The following KLHL1 variants were observed in gnomAD, a reference collection of about 807,000 sequenced individuals.
The protein encoded by KLHL1 is kelch-like protein 1.
Under a neutral mutation model 77.7 loss-of-function variants are expected in KLHL1, and 47 were observed. The ratio of observed to expected loss-of-function variants is 0.60; its 90% confidence interval spans 0.48 to 0.77. The LOEUF (loss-of-function observed/expected upper bound fraction) is 0.77. KLHL1 is among the 30% of genes least tolerant of loss of function. The pLI is 0.00. For missense variants in KLHL1, 925 were observed against 910.8 expected, an observed-to-expected ratio of 1.02 and a Z score of -0.20; for synonymous variants, 360 against 325.2, an observed-to-expected ratio of 1.11 and a Z score of -1.15.
At chr13:69,900,591 G>A (rs980620151) in intron 4 of KLHL1, among the ~76,000 whole-genome samples, 1 of 152,150 alleles carries the variant, frequency 6.6e-6, no homozygotes, top group Non-Finnish European at 1.5e-5. Context: ...ACTTTTGCTG[G>A]TAGACACAGT....
chr13:69,949,850 C>T (rs914331961), intron 3 of KLHL1, among the ~76,000 whole-genome samples: 1 of 151,646 alleles, frequency 6.6e-6, no homozygotes, highest in Non-Finnish European at 1.5e-5. Context: ...TTAAATTTTA[C>T]TGCAATTTAG....
intron 4 of KLHL1, among the ~76,000 whole-genome samples, chr13:69,927,230 T>A (rs1386094399): frequency 6.6e-6 from 1 of 152,106 alleles, no homozygotes; most frequent in Non-Finnish European, 1.5e-5. Context: ...ATAATAAAGT[T>A]ACACCTTTAC....
chr13:69,984,291 G>T (rs141388004), intron 1 of KLHL1, among the ~76,000 whole-genome samples: 2 of 152,024 alleles, frequency 1.3e-5, no homozygotes, highest in African/African-American at 2.4e-5. Context: ...CTTTAAAATC[G>T]AGCTGCAGAC....
chr13:69,815,035 A>AAT (rs1878060597), intron 6 of KLHL1, among the ~76,000 whole-genome samples: 1 of 151,644 alleles, frequency 6.6e-6, no homozygotes, highest in African/African-American at 2.4e-5. Flanking sequence ...AATAAAATAA[A>AAT]ATAAAATAGT....
rs1491291263 is a variant in KLHL1 at position 69,837,603 on chromosome 13, CAT to C, written c.1414+1371_1414+1372del. Among the ~76,000 whole-genome samples the C allele has an allele frequency of 1.6e-4, 23 of 142,140 alleles. 1 individual carries two copies. The highest frequency in any genetic ancestry group is 6.0e-4 in the African/African-American group (22 of 36,916). The allele number at this position is 142,140 out of a possible 152,430, so 93.2% of individuals were successfully genotyped here. A position where few individuals can be genotyped will look rare whatever the true frequency, so the allele number is the denominator to read the frequency against. On this transcript the variant is annotated intron_variant, in intron 6 of 10. Transcript: ENST00000377844. ...TAGTTATACTATATATATACACATA[CAT>C]CTCTCTCTCTATATATATGTGTGTG...
At chr13:69,837,515 C>T (rs149742604) in intron 6 of KLHL1, among the ~76,000 whole-genome samples, 117 of 149,026 alleles carry the variant, frequency 7.9e-4, no homozygotes, top group African/African-American at 2.6e-3. Flanking sequence ...ATATAATGTC[C>T]GAGAGAGGAA....
chr13:70,097,563 C>T (rs1887822588), intron 1 of KLHL1, among the ~76,000 whole-genome samples: 1 of 152,100 alleles, frequency 6.6e-6, no homozygotes, highest in South Asian at 2.1e-4. Context: ...TCTCAGCCTG[C>T]AATGTAATCT....
At chr13:69,964,859 T>A (rs1884167562) in intron 2 of KLHL1, among the ~76,000 whole-genome samples, 1 of 152,154 alleles carries the variant, frequency 6.6e-6, no homozygotes, top group African/African-American at 2.4e-5. Context: ...CATCTCTTGG[T>A]CAATTTCCAT....
chr13:70,013,881 G>T (rs986274694), intron 1 of KLHL1, among the ~76,000 whole-genome samples: 2 of 152,028 alleles, frequency 1.3e-5, no homozygotes, highest in African/African-American at 2.4e-5. Context: ...CTCGCTACTT[G>T]TTATAGACTC....
chr13:69,785,794 A>C (rs967117259), intron 7 of KLHL1, among the ~76,000 whole-genome samples: 7 of 152,202 alleles, frequency 4.6e-5, no homozygotes, highest in Non-Finnish European at 1.0e-4. Flanking sequence ...AGAAGAATCA[A>C]ATAGATGCAA....
intron 4 of KLHL1, among the ~76,000 whole-genome samples, chr13:69,939,360 T>TATACATAC (rs1883287955): frequency 8.3e-5 from 7 of 84,246 alleles, no homozygotes; most frequent in African/African-American, 2.8e-4. Flanking sequence ...TATATATATA[T>TATACATAC]ATATATATAT....
chr13:69,953,284 G>C (rs1016507691), intron 3 of KLHL1, among the ~76,000 whole-genome samples: 1 of 148,630 alleles, frequency 6.7e-6, no homozygotes, highest in African/African-American at 2.5e-5. Context: ...CTACTCATTT[G>C]ATGTACAACA....
chr13:70,103,123 C>T (rs148647559), intron 1 of KLHL1, among the ~76,000 whole-genome samples: 4 of 152,158 alleles, frequency 2.6e-5, no homozygotes, highest in East Asian at 3.9e-4. Context: ...AGGTACAGCA[C>T]GTTTATGCAT....
At chr13:69,725,465 T>TG (rs1439749833) in intron 8 of KLHL1, among the ~76,000 whole-genome samples, 1 of 152,120 alleles carries the variant, frequency 6.6e-6, no homozygotes, top group Non-Finnish European at 1.5e-5. Flanking sequence ...ACCAGACACA[T>TG]GGTTATACCT....
intron 1 of KLHL1, among the ~76,000 whole-genome samples, chr13:70,055,807 A>G (rs1210485638): frequency 6.6e-6 from 1 of 151,430 alleles, no homozygotes; most frequent in Non-Finnish European, 1.5e-5. Flanking sequence ...AATAAAAAAT[A>G]AGTTACCGCA....
intron 1 of KLHL1, among the ~76,000 whole-genome samples, chr13:70,025,346 G>A (rs4884873): frequency 0.59 from 88,816 of 151,726 alleles, 28,190 homozygotes; most frequent in East Asian, 0.81. Flanking sequence ...ACTTTGAGGT[G>A]GAATTATTTT....
At chr13:69,786,828 T>A (rs1429222356) in intron 7 of KLHL1, among the ~76,000 whole-genome samples, 2 of 152,168 alleles carry the variant, frequency 1.3e-5, no homozygotes, top group African/African-American at 4.8e-5. Flanking sequence ...ACAAAATCAA[T>A]GTACAAAAAT....
intron 5 of KLHL1, among the ~76,000 whole-genome samples, chr13:69,846,818 C>T (rs1991075): frequency 0.93 from 141,344 of 151,236 alleles, 66,275 homozygotes; most frequent in East Asian, 0.99. Context: ...TGCAGCTTTC[C>T]AAGAGTATTA....
chr13:69,787,584 C>G (rs1046427423), intron 7 of KLHL1, among the ~76,000 whole-genome samples: 2 of 152,158 alleles, frequency 1.3e-5, no homozygotes, highest in Non-Finnish European at 2.9e-5. Flanking sequence ...CAGTACCATT[C>G]AGGACATAGG....
Sources: gnomAD v4.1 joint callset for allele counts (sites outside exome capture counted in the v4.1 genomes callset) on GRCh38, gnomAD v4.1.1 for gene constraint, MANE v1.5 for transcripts, NCBI Gene and HGNC (gene_info 2026-07-23, HGNC 2026-07-21) for gene names.